Variants in KIAA0586 observed in about 807,000 individuals in gnomAD.
KIAA0586 encodes KIAA0586.
KIAA0586 carries 144 observed loss-of-function variants against 169.8 expected under a neutral mutation model. The observed-to-expected ratio is 0.85, with a 90% CI of 0.74 to 0.97. The LOEUF is 0.97. Among genes scored for constraint, KIAA0586 ranks in the 50% least tolerant of loss-of-function variants. KIAA0586 has a pLI of 0.00. For missense variants in KIAA0586, 1,854 were observed against 1,823.0 expected, an observed-to-expected ratio of 1.02 and a Z score of -0.31; for synonymous variants, 625 against 612.4, an observed-to-expected ratio of 1.02 and a Z score of -0.30.
intron 5 of KIAA0586, among the ~76,000 whole-genome samples, chr14:58,443,232 A>G (rs1743734): frequency 0.98 from 149,830 of 152,338 alleles, 73,724 homozygotes; most frequent in Non-Finnish European, 1. Context: ...CTTTGTAAAT[A>G]GGGAAGCAGA....
intron 29 of KIAA0586, chr14:58,521,623 C>T (rs2045235245): frequency 1.9e-6 from 2 of 1,056,858 alleles, no homozygotes; most frequent in Admixed American, 3.5e-5. Flanking sequence ...GGGGATCTTC[C>T]AAGTCTGGAA....
downstream of KIAA0586, among the ~76,000 whole-genome samples, chr14:58,553,224 A>G (rs1047958401): frequency 6.6e-6 from 1 of 152,222 alleles, no homozygotes; most frequent in African/African-American, 2.4e-5. Flanking sequence ...GGTATGCTCT[A>G]AAGTATATAG....
rs745816106 is a variant in KIAA0586 at position 58,474,746 on chromosome 14, T to C, written c.2774T>C (p.Leu925Pro). Residue 925 changes from leucine (L) to proline (P), a missense_variant, in exon 19 of 31, where the codon CTG becomes CCG. Leu to Pro is a moderately conservative substitution (Grantham distance 98, BLOSUM62 -3). Transcript: ENST00000652326. ...ASTFQPTADI[L>P]DKVIERKETL... is the part of the protein sequence containing the mutation. ...ACTTTTCAGCCCACTGCTGATATTC[T>C]GGATAAAGTAATTGAGAGAAAAGAA... The C allele has an allele frequency of 6.2e-7, 1 of 1,611,702 alleles. No homozygotes were observed. Among genetic ancestry groups the C allele is most frequent in the South Asian group, 1.1e-5 (1 of 90,374 alleles).
chr14:58,529,640 T>C (rs961974734), intron 29 of KIAA0586, among the ~76,000 whole-genome samples: 1 of 152,142 alleles, frequency 6.6e-6, no homozygotes, highest in Non-Finnish European at 1.5e-5. Flanking sequence ...GAAAAGGCCT[T>C]CAGTAAAATT....
chr14:58,483,670 T>C (rs2042184554), intron 21 of KIAA0586, among the ~76,000 whole-genome samples: 1 of 152,186 alleles, frequency 6.6e-6, no homozygotes, highest in African/African-American at 2.4e-5. Flanking sequence ...CAGGAACTTT[T>C]ATTGCTTGTT....
chr14:58,533,355 G>C (rs533336335), intron 29 of KIAA0586, among the ~76,000 whole-genome samples: 1 of 152,238 alleles, frequency 6.6e-6, no homozygotes, highest in South Asian at 2.1e-4. Context: ...TTTATCTTTG[G>C]CAAAAAGACC....
At chr14:58,452,847 G>A (rs1387515989) in intron 8 of KIAA0586, among the ~76,000 whole-genome samples, 1 of 149,332 alleles carries the variant, frequency 6.7e-6, no homozygotes, top group Non-Finnish European at 1.5e-5. Flanking sequence ...TAGTTTTTAT[G>A]AGGTGTAAAT....
intron 17 of KIAA0586, 50 bp downstream of exon 17, chr14:58,470,773 A>G (rs1223773947): frequency 1.2e-5 from 10 of 817,710 alleles, no homozygotes; most frequent in Non-Finnish European, 1.7e-5. Flanking sequence ...CTGACTGTAG[A>G]TTTTAACTAA....
chr14:58,442,433 A>C (rs2038477491), intron 4 of KIAA0586, among the ~76,000 whole-genome samples: 1 of 152,150 alleles, frequency 6.6e-6, no homozygotes, highest in African/African-American at 2.4e-5. Flanking sequence ...GTACTTCTTG[A>C]AAATGTCTTT....
chr14:58,457,755 TAAGC>T lies in KIAA0586; in HGVS notation c.1363-3_1363del, dbSNP rs1555382863. 1.9e-6 allele frequency: 3 copies of T among 1,571,094 alleles called. No individual in the cohort carries two copies. The highest frequency in any genetic ancestry group is 2.7e-5 in the African/African-American group (2 of 73,224). ...GTAACTTTCTGGTCTTTTTTTCTTT[TAAGC>T]CAAAAGAATCTCTGAGTATGTTGAA... On this transcript the variant is annotated splice_acceptor_variant and splice_polypyrimidine_tract_variant and coding_sequence_variant and intron_variant, in exon 11 of 31. Coordinates refer to ENST00000652326, the MANE Select transcript of KIAA0586 (RefSeq NM_001329943.3). LOFTEE classifies it high-confidence loss of function.
At chr14:58,555,055 A>G (rs2047234811), downstream of KIAA0586, among the ~76,000 whole-genome samples, 1 of 149,876 alleles carries the variant, frequency 6.7e-6, no homozygotes, top group African/African-American at 2.5e-5. Flanking sequence ...AAGTCTAGCA[A>G]TGTTTTCTTT....
chr14:58,464,945 G>A (rs945176611), intron 14 of KIAA0586, among the ~76,000 whole-genome samples: 23 of 152,214 alleles, frequency 1.5e-4, no homozygotes, highest in Admixed American at 6.5e-4. Context: ...GGTGGCATGC[G>A]TCTGTGGTCT....
intron 14 of KIAA0586, among the ~76,000 whole-genome samples, chr14:58,462,578 A>T (rs1262955123): frequency 1.3e-5 from 2 of 152,160 alleles, no homozygotes; most frequent in Non-Finnish European, 2.9e-5. Context: ...ATTAATTTAT[A>T]TGGGGGGTTT....
chr14:58,522,803 AAAAT>A (rs2045316914), intron 29 of KIAA0586, among the ~76,000 whole-genome samples: 1 of 152,222 alleles, frequency 6.6e-6, no homozygotes, highest in Non-Finnish European at 1.5e-5. Context: ...ATAGTGCTGA[AAAAT>A]AAGCGTGGCA....
downstream of KIAA0586, among the ~76,000 whole-genome samples, chr14:58,555,264 C>A (rs747085506): frequency 2.0e-5 from 3 of 152,030 alleles, no homozygotes; most frequent in Non-Finnish European, 2.9e-5. Context: ...CCACGACTGG[C>A]TAATTTTTGT....
rs531197147 is a variant in KIAA0586, at chr14:58,453,474, G to C, written c.1253+1G>C. 2 of 1,493,980 alleles carry C rather than the reference G, an allele frequency of 1.3e-6. No individual in the cohort carries two copies. Among genetic ancestry groups the C allele is most frequent in the South Asian group, 2.8e-5 (2 of 70,496 alleles). 92.5% of individuals were successfully genotyped at this position (1,493,980 alleles called of 1,614,324 possible). On this transcript the variant is annotated splice_donor_variant, in intron 9 of 30. Coordinates refer to ENST00000652326, the MANE Select transcript of KIAA0586 (RefSeq NM_001329943.3). LOFTEE classifies it high-confidence loss of function. The stretch of plus-strand genomic sequence containing the variant: ...GATGGACTCCTGAGAAAACAAACAG[G>C]TAAAAACAAGAGATTGGAATGAAAA...
At chr14:58,542,611 A>G (rs1370120419) in intron 30 of KIAA0586, among the ~76,000 whole-genome samples, 1 of 152,206 alleles carries the variant, frequency 6.6e-6, no homozygotes, top group Admixed American at 6.5e-5. Flanking sequence ...GAGGCCTTCC[A>G]GAGTGTACTC....
At chr14:58,535,700 T>C (rs1413557467) in intron 29 of KIAA0586, among the ~76,000 whole-genome samples, 4 of 71,790 alleles carry the variant, frequency 5.6e-5, no homozygotes, top group Non-Finnish European at 9.0e-5. Context: ...ATTTATTGGA[T>C]TTTTTTTTTT....
intron 9 of KIAA0586, among the ~76,000 whole-genome samples, chr14:58,453,695 G>A (rs1218004383): frequency 1.3e-5 from 2 of 151,936 alleles, no homozygotes; most frequent in African/African-American, 2.4e-5. Context: ...TCTAACGTAT[G>A]GATTATTCAT....
Sources: allele counts gnomAD v4.1 joint callset (sites outside exome capture counted in the v4.1 genomes callset), GRCh38; gene constraint gnomAD v4.1.1; transcripts MANE v1.5; gene names NCBI Gene and HGNC (gene_info 2026-07-23, HGNC 2026-07-21).